The following CNGB3 variants were observed in gnomAD, a reference collection of about 807,000 sequenced individuals.
The protein encoded by CNGB3 is cyclic nucleotide gated channel subunit beta 3.
CNGB3 carries 86 observed loss-of-function variants against 92.8 expected under a neutral mutation model. The ratio of observed to expected loss-of-function variants is 0.93; its 90% confidence interval spans 0.78 to 1.11. The LOEUF is 1.11. Among genes scored for constraint, CNGB3 ranks in the 50% least tolerant of loss-of-function variants. CNGB3 has a pLI of 0.00. For missense variants in CNGB3, 1,026 were observed against 956.8 expected (o/e 1.07, Z -0.95); for synonymous variants, 333 against 332.7 (o/e 1.00, Z -0.01).
At chr8:86,689,961 A>G (rs1483970901) in intron 3 of CNGB3, among the ~76,000 whole-genome samples, 1 of 152,080 alleles carries the variant, frequency 6.6e-6, no homozygotes, top group African/African-American at 2.4e-5. Context: ...CCAGTCTATC[A>G]TTGTTGGACA....
At chr8:86,662,142 C>T (rs1441243) in intron 6 of CNGB3, among the ~76,000 whole-genome samples, 59,279 of 152,126 alleles carry the variant, frequency 0.39, 11,846 homozygotes, top group Middle Eastern at 0.56. Context: ...TGCGCCAAGC[C>T]GCACACCGCA....
intron 14 of CNGB3, among the ~76,000 whole-genome samples, chr8:86,606,995 G>A (rs1822424698): frequency 6.6e-6 from 1 of 152,170 alleles, no homozygotes; most frequent in Admixed American, 6.5e-5. Context: ...AGATACTTTA[G>A]GAAGTAATGA....
chr8:86,708,435 T>A (rs1044165551), intron 3 of CNGB3, among the ~76,000 whole-genome samples: 1 of 152,158 alleles, frequency 6.6e-6, no homozygotes, highest in Non-Finnish European at 1.5e-5. Flanking sequence ...AGTATACACT[T>A]GATCTTGGCC....
intron 2 of CNGB3, among the ~76,000 whole-genome samples, chr8:86,735,038 G>A (rs903420904): frequency 1.3e-4 from 14 of 109,368 alleles, no homozygotes; most frequent in African/African-American, 3.3e-4. Context: ...CTCAAATGCC[G>A]GTGGTTTTTT....
chr8:86,733,404 A>C (rs1259116088), intron 2 of CNGB3, among the ~76,000 whole-genome samples: 1 of 152,248 alleles, frequency 6.6e-6, no homozygotes. Context: ...TGATGAACAT[A>C]CAAGAATGCA....
chr8:86,602,255 C>A (rs769881935), intron 15 of CNGB3, among the ~76,000 whole-genome samples: 1 of 152,162 alleles, frequency 6.6e-6, no homozygotes, highest in Non-Finnish European at 1.5e-5. Flanking sequence ...GTTTCCACCA[C>A]TGCCCAAGAG....
intron 11 of CNGB3, among the ~76,000 whole-genome samples, chr8:86,630,182 G>A (rs1293632344): frequency 6.6e-6 from 1 of 152,132 alleles, no homozygotes; most frequent in African/African-American, 2.4e-5. Flanking sequence ...CTCCTCAGTG[G>A]CTCTTCCAAA....
intron 3 of CNGB3, among the ~76,000 whole-genome samples, chr8:86,685,878 G>T (rs1370179487): frequency 6.6e-6 from 1 of 152,066 alleles, no homozygotes; most frequent in East Asian, 1.9e-4. Context: ...AACTAAATAA[G>T]AATATAGTTA....
intron 13 of CNGB3, among the ~76,000 whole-genome samples, chr8:86,622,302 C>T (rs541549985): frequency 5.9e-5 from 9 of 151,764 alleles, no homozygotes; most frequent in Admixed American, 1.3e-4. Flanking sequence ...ACTTCTGCTG[C>T]CCTTGAATTT....
chr8:86,660,840 T>C (rs539536764), intron 6 of CNGB3: 2 of 437,392 alleles, frequency 4.6e-6, no homozygotes, highest in Admixed American at 2.5e-5. Flanking sequence ...AACTTGGCAA[T>C]TCAGTTTAAG....
chr8:86,670,817 CA>C, intron 4 of CNGB3, 126 bp downstream of exon 4: 1 of 1,050,482 alleles, frequency 9.5e-7, no homozygotes, highest in South Asian at 1.3e-5. Flanking sequence ...GGATTACTCT[CA>C]AAATAAACTG....
At chr8:86,626,402 T>C (rs1480702998) in intron 12 of CNGB3, among the ~76,000 whole-genome samples, 2 of 152,234 alleles carry the variant, frequency 1.3e-5, no homozygotes, top group Admixed American at 6.5e-5. Context: ...CAAGCTAGCA[T>C]GGCTGAAGGA....
rs959379752 is a variant in CNGB3 at position 86,589,537 on chromosome 8, C to T, written c.1782-10285G>A. ...GAGTCCCAGAGATTCTGGTATGTTG[C>T]GTCTTTGTTCTCGTTGGTTTCAAAG... On this transcript the variant is annotated intron_variant, in intron 15 of 17. Coordinates refer to ENST00000320005, the MANE Select transcript of CNGB3 (RefSeq NM_019098.5). 2.6e-3 allele frequency among the ~76,000 whole-genome samples: 398 copies of T among 151,974 alleles called. 2 individuals are homozygous for T. Among genetic ancestry groups the T allele is most frequent in the Middle Eastern group, 6.8e-3 (2 of 294 alleles).
At chr8:86,595,713 C>T (rs1286846042) in intron 15 of CNGB3, among the ~76,000 whole-genome samples, 1 of 152,082 alleles carries the variant, frequency 6.6e-6, no homozygotes, top group Non-Finnish European at 1.5e-5. Context: ...AAAGGAATAA[C>T]TGAGTTATTC....
chr8:86,626,071 T>C lies in CNGB3; in HGVS notation c.1490A>G (p.Asp497Gly), dbSNP rs778496075. Residue 497 changes from aspartate to glycine, a missense_variant, in exon 13 of 18, where the codon GAT becomes GGT. By Grantham distance (94) the Asp-to-Gly change is moderately conservative. Coordinates refer to ENST00000320005, the MANE Select transcript of CNGB3 (RefSeq NM_019098.5). The part of the protein sequence containing the change: ...WDSQRMLDES[D>G]LLKTLPTTVQ... ...CGTAGTTGGTAGGGTCTTAAGCAAA[T>C]CAGACTCATCTTTATAAAGATAAAC... 15 of 1,611,428 alleles carry C rather than the reference T, an allele frequency of 9.3e-6. No homozygotes were observed. The South Asian group carries it at 1.5e-4, about 17-fold the overall frequency.
intron 11 of CNGB3, among the ~76,000 whole-genome samples, chr8:86,630,852 C>T (rs932963484): frequency 3.9e-5 from 6 of 152,118 alleles, no homozygotes; most frequent in Admixed American, 1.3e-4. Context: ...CTAGCCTGGG[C>T]ACAGAGCCAG....
intron 4 of CNGB3, among the ~76,000 whole-genome samples, chr8:86,669,489 G>A (rs1167991354): frequency 6.6e-6 from 1 of 152,138 alleles, no homozygotes; most frequent in African/African-American, 2.4e-5. Context: ...CATTAATAAA[G>A]CCAGAGATCC....
At chr8:86,624,892 C>A (rs757396022) in intron 13 of CNGB3, among the ~76,000 whole-genome samples, 14 of 152,174 alleles carry the variant, frequency 9.2e-5, no homozygotes, top group Non-Finnish European at 1.5e-4. Flanking sequence ...TCAGCACCAT[C>A]CCCTTTGGTA....
intron 1 of CNGB3, 29 bp from the exon 2 acceptor site, chr8:86,739,765 T>G (rs1825310488): frequency 6.2e-7 from 1 of 1,609,676 alleles, no homozygotes; most frequent in African/African-American, 1.3e-5. Context: ...AGATTGTATG[T>G]GATGAATTTA....
Sources: gnomAD v4.1 joint callset for allele counts (sites outside exome capture counted in the v4.1 genomes callset) on GRCh38, gnomAD v4.1.1 for gene constraint, MANE v1.5 for transcripts, NCBI Gene and HGNC (gene_info 2026-07-23, HGNC 2026-07-21) for gene names.